IL1RAPL2: variants seen among roughly 807,000 people sequenced by gnomAD.
IL1RAPL2 encodes the protein interleukin 1 receptor accessory protein like 2, also known as X-linked interleukin-1 receptor accessory protein-like 2.
In IL1RAPL2, 3 loss-of-function variants were observed where a neutral mutation model predicts 44.1. That is an observed-to-expected ratio of 0.07 (90% CI 0.03 to 0.18). The LOEUF (loss-of-function observed/expected upper bound fraction) is 0.18. Among genes scored for constraint, IL1RAPL2 ranks in the 10% least tolerant of loss-of-function variants. The pLI is 1.00. For synonymous variants in IL1RAPL2, 181 were observed against 178.8 expected (o/e 1.01, Z -0.10); for missense variants, 391 against 496.4 (o/e 0.79, Z 2.02).
chrX:105,334,012 C>A (rs2035008843), intron 5 of IL1RAPL2, among the ~76,000 whole-genome samples: 1 of 111,687 alleles, frequency 9.0e-6, no homozygotes, highest in African/African-American at 3.2e-5. Context: ...TCCAGCAATC[C>A]CACTGCTGGT....
intron 2 of IL1RAPL2, among the ~76,000 whole-genome samples, chrX:105,107,853 C>T (rs5916866): frequency 0.51 from 56,819 of 110,606 alleles, 12,572 homozygotes; most frequent in East Asian, 0.75. Flanking sequence ...CTTCTGAATC[C>T]TGATTTTATG....
chrX:104,749,372 C>T (rs1046252144), intron 2 of IL1RAPL2, among the ~76,000 whole-genome samples: 1 of 110,917 alleles, frequency 9.0e-6, no homozygotes, highest in African/African-American at 3.3e-5. Flanking sequence ...TTGACACATA[C>T]TATGCCAAGC....
At chrX:105,350,946 A>C (rs2035148798) in intron 5 of IL1RAPL2, among the ~76,000 whole-genome samples, 1 of 112,051 alleles carries the variant, frequency 8.9e-6, no homozygotes, top group African/African-American at 3.2e-5. Context: ...AAACAACCCC[A>C]TCAAAAAGTT....
chrX:104,605,451 C>G (rs1395314904), intron 1 of IL1RAPL2, among the ~76,000 whole-genome samples: 1 of 110,973 alleles, frequency 9.0e-6, no homozygotes, highest in Non-Finnish European at 1.9e-5. Context: ...TAGCAGAAGA[C>G]AAGAAATAAC....
chrX:105,172,721 C>G (rs1447430949), intron 2 of IL1RAPL2, among the ~76,000 whole-genome samples: 3 of 111,701 alleles, frequency 2.7e-5, no homozygotes, highest in African/African-American at 9.8e-5. Context: ...TGAATAATCT[C>G]CCTATTTTGT....
chrX:104,927,147 AGC>A (rs927066287), intron 2 of IL1RAPL2, among the ~76,000 whole-genome samples: 1 of 111,994 alleles, frequency 8.9e-6, no homozygotes, highest in Non-Finnish European at 1.9e-5. Flanking sequence ...ACTTAATGCA[AGC>A]TAATTTCTCC....
intron 2 of IL1RAPL2, among the ~76,000 whole-genome samples, chrX:104,921,996 C>A (rs748655843): frequency 8.9e-6 from 1 of 112,241 alleles, no homozygotes; most frequent in Non-Finnish European, 1.9e-5. Context: ...CGCCACCCCC[C>A]ACTGGAGGGT....
intron 2 of IL1RAPL2, among the ~76,000 whole-genome samples, chrX:105,022,520 G>T (rs767476224): frequency 9.0e-6 from 1 of 111,472 alleles, no homozygotes; most frequent in South Asian, 3.8e-4. Flanking sequence ...AACACTCTAG[G>T]TTACTGAGGA....
intron 2 of IL1RAPL2, among the ~76,000 whole-genome samples, chrX:104,922,196 A>G (rs759591975): frequency 5.3e-5 from 6 of 112,509 alleles, no homozygotes; most frequent in African/African-American, 1.9e-4. Context: ...GGAACACCCT[A>G]GTACTTCCCC....
intron 1 of IL1RAPL2, among the ~76,000 whole-genome samples, chrX:104,635,048 A>C (rs2085464775): frequency 9.0e-6 from 1 of 110,858 alleles, no homozygotes; most frequent in African/African-American, 3.3e-5. Context: ...GTGGTGACAA[A>C]ATCTCTCAGC....
intron 5 of IL1RAPL2, among the ~76,000 whole-genome samples, chrX:105,315,965 T>G (rs918147920): frequency 6.4e-5 from 7 of 109,964 alleles, no homozygotes; most frequent in African/African-American, 2.3e-4. Context: ...TCTGCTGTAA[T>G]AAGAAGGGTA....
At chrX:105,344,489 G>A (rs1417035561) in intron 5 of IL1RAPL2, among the ~76,000 whole-genome samples, 1 of 111,302 alleles carries the variant, frequency 9.0e-6, no homozygotes. Flanking sequence ...ACAATGTCTG[G>A]TATATAATAA....
intron 1 of IL1RAPL2, among the ~76,000 whole-genome samples, chrX:104,620,050 C>T (rs1775712580): frequency 9.0e-6 from 1 of 111,434 alleles, no homozygotes; most frequent in African/African-American, 3.3e-5. Context: ...TTCTAGGAAC[C>T]TTAAAAAGCG....
intron 2 of IL1RAPL2, among the ~76,000 whole-genome samples, chrX:104,706,264 T>C (rs1391945970): frequency 1.8e-5 from 2 of 111,995 alleles, no homozygotes; most frequent in African/African-American, 6.5e-5. Flanking sequence ...ATTCATATGT[T>C]CATTATTTTA....
At chrX:104,598,156 GC>G (rs1461174210) in intron 1 of IL1RAPL2, among the ~76,000 whole-genome samples, 1 of 112,225 alleles carries the variant, frequency 8.9e-6, no homozygotes, top group African/African-American at 3.2e-5. Flanking sequence ...ATTAATTCTA[GC>G]AACATGGAAT....
intron 2 of IL1RAPL2, among the ~76,000 whole-genome samples, chrX:104,923,693 T>C (rs1924701547): frequency 9.0e-6 from 1 of 111,331 alleles, no homozygotes; most frequent in African/African-American, 3.3e-5. Context: ...CTTACCGTCA[T>C]AAAAGCACAT....
intron 2 of IL1RAPL2, among the ~76,000 whole-genome samples, chrX:104,733,707 T>C (rs1459635484): frequency 9.2e-6 from 1 of 109,008 alleles, no homozygotes; most frequent in Non-Finnish European, 1.9e-5. Context: ...CATTTCTTGA[T>C]AAAAAATAGA....
At chrX:105,055,191 G>A (rs921992113) in intron 2 of IL1RAPL2, among the ~76,000 whole-genome samples, 2 of 111,766 alleles carry the variant, frequency 1.8e-5, no homozygotes, top group Non-Finnish European at 3.8e-5. Context: ...CTGCTTCCTG[G>A]TTCGTAGACA....
intron 4 of IL1RAPL2, among the ~76,000 whole-genome samples, chrX:105,244,305 GA>G (rs782589453): frequency 9.0e-6 from 1 of 111,236 alleles, no homozygotes; most frequent in Admixed American, 9.6e-5. Context: ...AAGCATGCAA[GA>G]AAAATAAAAC....
Sources: gnomAD v4.1 joint callset for allele counts (sites outside exome capture counted in the v4.1 genomes callset) on GRCh38, gnomAD v4.1.1 for gene constraint, MANE v1.5 for transcripts, NCBI Gene and HGNC (gene_info 2026-07-23, HGNC 2026-07-21) for gene names.